CEP350: variants seen among roughly 807,000 people sequenced by gnomAD.
The protein encoded by CEP350 is centrosome-associated protein 350.
Under a neutral mutation model 331.8 loss-of-function variants are expected in CEP350, and 126 were observed. That is an observed-to-expected ratio of 0.38 (90% confidence interval 0.33 to 0.44). The LOEUF is 0.44. Ranked by LOEUF, CEP350 falls within the 20% of genes least tolerant of loss-of-function variation. CEP350 has a pLI of 1.00. For synonymous variants in CEP350, 1,200 were observed against 1,259.5 expected, an observed-to-expected ratio of 0.95 and a Z score of 1.00; for missense variants, 3,406 against 3,634.6, an observed-to-expected ratio of 0.94 and a Z score of 1.62.
intron 1 of CEP350, among the ~76,000 whole-genome samples, chr1:179,974,337 C>A (rs1267898319): frequency 6.6e-6 from 1 of 152,176 alleles, no homozygotes; most frequent in Non-Finnish European, 1.5e-5. Flanking sequence ...GCCTTGGCCT[C>A]CCAAAGTGCT....
chr1:180,082,608 C>T (rs1257694949), intron 30 of CEP350, among the ~76,000 whole-genome samples: 2 of 152,036 alleles, frequency 1.3e-5, no homozygotes, highest in East Asian at 3.8e-4. Context: ...AACCAGTGCG[C>T]CCGGACTGCA....
chr1:180,103,487 A>G (rs1160960672), intron 37 of CEP350, among the ~76,000 whole-genome samples: 3 of 152,042 alleles, frequency 2.0e-5, no homozygotes, highest in Non-Finnish European at 4.4e-5. Flanking sequence ...TTTAACTTTT[A>G]TATCATTCTG....
Position 180,087,638 on chromosome 1 carries a change from C to A in CEP350, c.6346C>A (p.Pro2116Thr). 1 of 1,559,980 alleles carries A rather than the reference C, an allele frequency of 6.4e-7. No homozygotes were observed. Among genetic ancestry groups the A allele is most frequent in the Non-Finnish European group, 8.7e-7 (1 of 1,150,686 alleles). Residue 2116 changes from proline to threonine, a missense_variant, in exon 32 of 38, where the codon CCA (proline) becomes ACA (threonine). Pro to Thr is a conservative substitution (Grantham distance 38). Transcript: ENST00000367607. Reference protein sequence around the residue: ...AELSQDLETSPTAKPQIKTLS... With the variant: ...AELSQDLETSTTAKPQIKTLS... ...GCTTAGCCAAGATTTGGAAACATCA[C>A]CAACAGCCAAGCCTCAGATTAAAAC...
At position 180,020,627 on chromosome 1, in the gene CEP350, A is replaced by T. The variant is rs1358098374; in HGVS notation, c.2853A>T (p.Leu951Phe). 6.2e-7 allele frequency: 1 copy of T among 1,613,996 alleles called. No individual in the cohort carries two copies. Among genetic ancestry groups the T allele is most frequent in the Non-Finnish European group, 8.5e-7 (1 of 1,179,892 alleles). ...GPKPEGLLAQ[L>F]CKRQTDSSSS... ...AACCAGAAGGGCTACTGGCACAGTT[A>T]TGTAAAAGGCAGACTGACTCTTCTA... The change falls in exon 12 of 38, where the codon TTA (leucine) becomes TTT (phenylalanine). Residue 951 changes from leucine to phenylalanine, a missense_variant. Physicochemically the swap from Leu to Phe is conservative, Grantham distance 22 (BLOSUM62 0). Around this residue, in one of 5 missense-constraint regions of CEP350, gnomAD observed 1,857 missense variants for 1,909.2 expected, o/e 0.97. Coordinates refer to ENST00000367607, the MANE Select transcript of CEP350 (RefSeq NM_014810.5).
intron 37 of CEP350, among the ~76,000 whole-genome samples, chr1:180,107,739 T>C (rs1661224676): frequency 6.6e-6 from 1 of 152,162 alleles, no homozygotes; most frequent in Non-Finnish European, 1.5e-5. Flanking sequence ...TGAAAGACCC[T>C]GGCATCTGCT....
Position 180,095,923 on chromosome 1 carries a change from A to G in CEP350, c.8912A>G (p.Tyr2971Cys). ...LDIESTSKRVYKQAVFDLTKE... is the reference protein window; with the variant it reads ...LDIESTSKRVCKQAVFDLTKE... Reference sequence around the variant, plus strand: ...ATAGAAAGCACTAGTAAAAGGGTCTACAAACAGGTAGGTGAAATAAAAGGA... The same window carrying G: ...ATAGAAAGCACTAGTAAAAGGGTCTGCAAACAGGTAGGTGAAATAAAAGGA... Residue 2971 changes from tyrosine to cysteine, a missense_variant, in exon 35 of 38, where the codon TAC (tyrosine) becomes TGC (cysteine). Transcript: ENST00000367607. The G allele has an allele frequency of 6.3e-7, 1 of 1,595,630 alleles. No homozygotes were observed. Among genetic ancestry groups the G allele is most frequent in the African/African-American group, 1.4e-5 (1 of 73,758 alleles).
chr1:180,054,274 C>T (rs1657683440), intron 24 of CEP350, 141 bp from the exon 25 acceptor site: 2 of 711,124 alleles, frequency 2.8e-6, no homozygotes, highest in East Asian at 5.4e-5. Context: ...TTAATGGTTA[C>T]GGCTACATGT....
At chr1:180,090,685 A>G (rs556810732) in intron 32 of CEP350, 29 bp from the exon 33 acceptor site, 2 of 1,523,696 alleles carry the variant, frequency 1.3e-6, no homozygotes, top group African/African-American at 1.4e-5. Flanking sequence ...TAATATGTTT[A>G]TTTCTGCTCA....
chr1:180,074,884 C>T (rs1365661142), intron 27 of CEP350, 138 bp from the exon 28 acceptor site: 6 of 644,104 alleles, frequency 9.3e-6, no homozygotes, highest in Non-Finnish European at 1.5e-5. Context: ...TTATCTCAAG[C>T]TTTTTTCAGA....
intron 1 of CEP350, chr1:179,969,324 G>A: frequency 2.0e-6 from 1 of 506,908 alleles, no homozygotes; most frequent in South Asian, 1.4e-5. Context: ...TAGGGTGAAT[G>A]GACTGTGTCA....
chr1:180,037,687 T>C (rs1296503687), intron 17 of CEP350, among the ~76,000 whole-genome samples: 1 of 152,178 alleles, frequency 6.6e-6, no homozygotes, highest in Non-Finnish European at 1.5e-5. Context: ...AGTCTCACCG[T>C]TGCCCAGGCT....
intron 11 of CEP350, 114 bp from the exon 12 acceptor site, chr1:180,019,835 T>C: frequency 2.5e-6 from 2 of 808,582 alleles, no homozygotes; most frequent in Non-Finnish European, 3.6e-6. Context: ...TTATATTTTT[T>C]ATCTGTCCTT....
At chr1:180,029,629 G>A (rs891430039) in intron 14 of CEP350, among the ~76,000 whole-genome samples, 1 of 151,954 alleles carries the variant, frequency 6.6e-6, no homozygotes, top group Admixed American at 6.6e-5. Flanking sequence ...CCATTCCTCC[G>A]TCCCTTCAGT....
At chr1:180,052,033 C>T (rs74948136) in intron 22 of CEP350, among the ~76,000 whole-genome samples, 12,684 of 152,230 alleles carry the variant, frequency 0.083, 702 homozygotes, top group Non-Finnish European at 0.12. Context: ...TCATGTTTAG[C>T]TGGCTGACTG....
In CEP350 at chr1:180,063,947, C is replaced by CA. The variant is rs773122292; in HGVS notation, c.5410-1165dup. Among the ~76,000 whole-genome samples, 8 of 152,252 alleles carry CA rather than the reference C, an allele frequency of 5.3e-5. No homozygotes were observed. In the East Asian group the frequency reaches 1.5e-3, roughly 29 times the overall value. On this transcript the variant is annotated intron_variant, in intron 26 of 37. Transcript: ENST00000367607. ...AAATCTCAAACTTACAGAAAAATGT[C>CA]AAACAGTACAAAAAATTCTATTATC...
intron 4 of CEP350, among the ~76,000 whole-genome samples, chr1:179,990,950 A>G (rs1052898035): frequency 2.0e-5 from 3 of 152,140 alleles, no homozygotes; most frequent in South Asian, 2.1e-4. Flanking sequence ...AGACACTGGC[A>G]TTTAATTTTT....
intron 1 of CEP350, among the ~76,000 whole-genome samples, chr1:179,955,875 C>G (rs977404057): frequency 2.0e-5 from 3 of 152,196 alleles, no homozygotes; most frequent in Non-Finnish European, 4.4e-5. Context: ...TATCCATGTA[C>G]TCCACCTGAT....
intron 27 of CEP350, among the ~76,000 whole-genome samples, chr1:180,070,428 G>A (rs575100442): frequency 2.6e-5 from 4 of 152,186 alleles, no homozygotes; most frequent in South Asian, 4.2e-4. Context: ...GCAGTCACAC[G>A]GTCTGGCAGT....
At chr1:180,043,456 T>A (rs903043278) in intron 20 of CEP350, among the ~76,000 whole-genome samples, 2 of 152,092 alleles carry the variant, frequency 1.3e-5, no homozygotes, top group African/African-American at 4.8e-5. Flanking sequence ...AGCCTGGGGG[T>A]GCCAGCAGGT....
Sources: gnomAD v4.1 joint callset for allele counts (sites outside exome capture counted in the v4.1 genomes callset) on GRCh38, gnomAD v4.1.1 for gene constraint, gnomAD v4.1.1 regional missense constraint, MANE v1.5 for transcripts, NCBI Gene and HGNC (gene_info 2026-07-23, HGNC 2026-07-21) for gene names.